The following GPC5 variants were observed in gnomAD, a reference collection of about 807,000 sequenced individuals.
The protein encoded by GPC5 is glypican 5.
A neutral mutation model predicts 53.9 loss-of-function variants in GPC5; 47 were observed. The ratio of observed to expected loss-of-function variants is 0.87; its 90% CI spans 0.69 to 1.11. The LOEUF (loss-of-function observed/expected upper bound fraction) is 1.11, where lower values mean the gene tolerates loss of function less well. Among genes scored for constraint, GPC5 ranks in the 50% most tolerant of loss-of-function variants. The pLI is 0.00. For missense variants in GPC5, 748 were observed against 713.1 expected, an observed-to-expected ratio of 1.05 and a Z score of -0.56; for synonymous variants, 286 against 263.3, an observed-to-expected ratio of 1.09 and a Z score of -0.84.
At chr13:92,515,198 C>T (rs1880724234) in intron 7 of GPC5, among the ~76,000 whole-genome samples, 1 of 152,162 alleles carries the variant, frequency 6.6e-6, no homozygotes, top group Non-Finnish European at 1.5e-5. Flanking sequence ...TCCACTGTGT[C>T]AGGCACCACT....
chr13:91,851,928 C>T (rs1210061493), intron 5 of GPC5, among the ~76,000 whole-genome samples: 1 of 149,162 alleles, frequency 6.7e-6, no homozygotes, highest in Non-Finnish European at 1.5e-5. Context: ...GGTTCCAAGT[C>T]TTTGCTATTG....
At chr13:92,323,674 A>C (rs1007807266) in intron 7 of GPC5, among the ~76,000 whole-genome samples, 2 of 151,796 alleles carry the variant, frequency 1.3e-5, no homozygotes, top group African/African-American at 2.4e-5. Flanking sequence ...AAAGACCGAA[A>C]ATTTTTAAGA....
intron 2 of GPC5, among the ~76,000 whole-genome samples, chr13:91,503,780 A>AG (rs1555316223): frequency 7.5e-6 from 1 of 132,898 alleles, no homozygotes; most frequent in African/African-American, 2.9e-5. Flanking sequence ...CTCTGTCTCA[A>AG]AATAATAATA....
intron 1 of GPC5, among the ~76,000 whole-genome samples, chr13:91,414,121 A>G (rs888850915): frequency 1.3e-5 from 2 of 152,066 alleles, no homozygotes; most frequent in African/African-American, 4.8e-5. Context: ...TCCCCACTCA[A>G]ATCTCATTTT....
intron 5 of GPC5, among the ~76,000 whole-genome samples, chr13:91,775,931 G>A (rs1247400156): frequency 6.6e-6 from 1 of 152,186 alleles, no homozygotes; most frequent in African/African-American, 2.4e-5. Flanking sequence ...CAGGCACCAT[G>A]AGCATCATGG....
intron 2 of GPC5, among the ~76,000 whole-genome samples, chr13:91,545,006 A>G (rs1468365173): frequency 2.0e-5 from 3 of 152,194 alleles, no homozygotes; most frequent in African/African-American, 7.2e-5. Context: ...CCAGGGGTCT[A>G]ACAATAGGGC....
intron 7 of GPC5, among the ~76,000 whole-genome samples, chr13:92,397,271 T>TGG (rs138672507): frequency 4.3e-4 from 65 of 151,904 alleles, no homozygotes; most frequent in African/African-American, 1.5e-3. Flanking sequence ...TCATGGGGGC[T>TGG]GGGGGGGGTT....
At chr13:91,688,900 C>T (rs2035680531) in intron 2 of GPC5, among the ~76,000 whole-genome samples, 2 of 151,758 alleles carry the variant, frequency 1.3e-5, no homozygotes, top group Non-Finnish European at 2.9e-5. Context: ...TAGACTGAGC[C>T]TGTAATCCTA....
intron 7 of GPC5, among the ~76,000 whole-genome samples, chr13:92,761,448 G>A (rs748224732): frequency 1.2e-4 from 18 of 152,040 alleles, no homozygotes; most frequent in South Asian, 2.1e-4. Flanking sequence ...GACCTGTTAC[G>A]TTTCTTGTGA....
intron 7 of GPC5, among the ~76,000 whole-genome samples, chr13:92,754,870 C>T (rs1411388671): frequency 2.1e-5 from 3 of 146,172 alleles, no homozygotes; most frequent in South Asian, 2.3e-4. Context: ...GACTCCCACA[C>T]ATTAATAATG....
At chr13:92,591,877 C>T (rs1237165438) in intron 7 of GPC5, among the ~76,000 whole-genome samples, 2 of 152,124 alleles carry the variant, frequency 1.3e-5, no homozygotes, top group South Asian at 2.1e-4. Flanking sequence ...CTGGCTCAAA[C>T]TCCAAGAAGC....
chr13:91,968,204 C>T (rs984925097), intron 6 of GPC5, among the ~76,000 whole-genome samples: 4 of 151,864 alleles, frequency 2.6e-5, no homozygotes, highest in Non-Finnish European at 4.4e-5. Flanking sequence ...TTTCTCATTC[C>T]AAAAGCAAAA....
intron 1 of GPC5, among the ~76,000 whole-genome samples, chr13:91,417,070 A>AG (rs1381208490): frequency 2.6e-5 from 4 of 152,082 alleles, no homozygotes; most frequent in African/African-American, 4.8e-5. Context: ...GATGGAGCAG[A>AG]GGGGGGGAGT....
chr13:92,031,422 T>C (rs925026879), intron 6 of GPC5, among the ~76,000 whole-genome samples: 16 of 151,914 alleles, frequency 1.1e-4, no homozygotes, highest in Admixed American at 9.9e-4. Context: ...CTGAATCAAA[T>C]GGTGGTTCTA....
intron 7 of GPC5, among the ~76,000 whole-genome samples, chr13:92,842,658 T>TTG (rs954061389): frequency 7.2e-5 from 9 of 124,236 alleles, no homozygotes; most frequent in Admixed American, 5.4e-4. Context: ...CATAATTGTT[T>TTG]TTTTTTTTTT....
At chr13:91,909,022 T>C (rs1445839466) in intron 6 of GPC5, among the ~76,000 whole-genome samples, 5 of 151,968 alleles carry the variant, frequency 3.3e-5, no homozygotes. Flanking sequence ...TTCACAAGAG[T>C]CCCTATATCT....
At chr13:92,089,662 C>T (rs1322568095) in intron 6 of GPC5, among the ~76,000 whole-genome samples, 1 of 152,174 alleles carries the variant, frequency 6.6e-6, no homozygotes, top group Non-Finnish European at 1.5e-5. Flanking sequence ...GAAATGCAAA[C>T]TATTTGACGT....
intron 7 of GPC5, among the ~76,000 whole-genome samples, chr13:92,765,034 C>T (rs985934570): frequency 5.3e-5 from 8 of 152,078 alleles, no homozygotes; most frequent in Non-Finnish European, 1.2e-4. Flanking sequence ...TTTTTAAAGG[C>T]CTTTTTTCCA....
At chr13:91,715,830 G>A (rs757175998) in intron 3 of GPC5, among the ~76,000 whole-genome samples, 32 of 150,564 alleles carry the variant, frequency 2.1e-4, no homozygotes, top group Non-Finnish European at 3.4e-4. Context: ...CTAGAGTGCA[G>A]TGGCTTGAAC....
Sources: gnomAD v4.1 joint callset for allele counts (sites outside exome capture counted in the v4.1 genomes callset) on GRCh38, gnomAD v4.1.1 for gene constraint, MANE v1.5 for transcripts, NCBI Gene and HGNC (gene_info 2026-07-23, HGNC 2026-07-21) for gene names.